KDSR: variants seen among roughly 807,000 people sequenced by gnomAD.
KDSR encodes 3-dehydrosphinganine reductase.
Under a neutral mutation model 41.3 loss-of-function variants are expected in KDSR, and 23 were observed. The ratio of observed to expected loss-of-function variants is 0.56; its 90% CI spans 0.40 to 0.79. The LOEUF (loss-of-function observed/expected upper bound fraction) is 0.79, where lower values mean the gene tolerates loss of function less well. KDSR is among the 30% of genes least tolerant of loss of function. The pLI, the probability that KDSR is intolerant of heterozygous loss-of-function variation, is 0.00. For missense variants in KDSR, 351 were observed against 416.8 expected, an observed-to-expected ratio of 0.84 and a Z score of 1.37; for synonymous variants, 138 against 151.7, an observed-to-expected ratio of 0.91 and a Z score of 0.66.
chr18:63,336,263 C>T (rs1914153825), intron 8 of KDSR, among the ~76,000 whole-genome samples: 1 of 152,178 alleles, frequency 6.6e-6, no homozygotes, highest in African/African-American at 2.4e-5. Flanking sequence ...CCCCTGAGCT[C>T]AAGCAATCCA....
Position 63,344,470 on chromosome 18 carries a change from G to T in KDSR, c.633C>A (p.Ile211=), listed in dbSNP as rs1166955933. 1 of 1,613,900 alleles carries T rather than the reference G, an allele frequency of 6.2e-7. No individual in the cohort carries two copies. The highest frequency in any genetic ancestry group is 1.1e-5 in the South Asian group (1 of 91,060). ...CTGTGTCTGGTGGGTAAGCAACTGT[G>T]ATGTAGACATTATATGGCTTCACCT... ...QMEVKPYNVY[I]TVAYPPDTDT... Residue 211 remains isoleucine (I), a synonymous_variant, in exon 7 of 10, where the codon ATC becomes ATA. Coordinates refer to ENST00000645214, the MANE Select transcript of KDSR (RefSeq NM_002035.4).
chr18:63,341,709 C>T (rs1914344878), intron 7 of KDSR, among the ~76,000 whole-genome samples: 1 of 151,954 alleles, frequency 6.6e-6, no homozygotes, highest in South Asian at 2.1e-4. Flanking sequence ...TAAAAAGGGA[C>T]ACAAGGTTTC....
At chr18:63,358,313 A>G (rs1914863186) in intron 3 of KDSR, among the ~76,000 whole-genome samples, 1 of 152,182 alleles carries the variant, frequency 6.6e-6, no homozygotes, top group Admixed American at 6.5e-5. Context: ...GCTGGGAGGA[A>G]ATGGCAAGTG....
At chr18:63,365,787 A>T (rs960522783) in intron 1 of KDSR, among the ~76,000 whole-genome samples, 3 of 152,210 alleles carry the variant, frequency 2.0e-5, no homozygotes, top group African/African-American at 7.2e-5. Flanking sequence ...CAGAATTTAG[A>T]GTGTCAAGTT....
intron 2 of KDSR, among the ~76,000 whole-genome samples, chr18:63,360,957 C>T (rs1484984135): frequency 1.6e-5 from 2 of 123,730 alleles, no homozygotes; most frequent in Non-Finnish European, 3.3e-5. Context: ...GAGTTTGAGA[C>T]CAGCCTGGCC....
intron 1 of KDSR, chr18:63,366,517 G>C (rs1915141138): frequency 6.5e-6 from 1 of 154,832 alleles, no homozygotes; most frequent in African/African-American, 2.4e-5. Context: ...CCATCTTCCA[G>C]TTCCGAGCTG....
Position 63,330,190 on chromosome 18 carries a change from T to C in KDSR, c.*1592A>G, listed in dbSNP as rs1356438338. On this transcript the variant is annotated 3_prime_UTR_variant, in exon 10 of 10. Transcript: ENST00000645214. ...TCAAGAGCAAAAAAAAGGTATGCTA[T>C]AATTTTTAGGTCTTCAATTTTTGTA... The C allele has an allele frequency of 5.0e-6, 1 of 198,986 alleles. No individual in the cohort carries two copies. The highest frequency in any genetic ancestry group is 1.0e-5 in the Non-Finnish European group (1 of 96,316). The allele number at this position is 198,986 out of a possible 1,614,324, so 12.3% of individuals were successfully genotyped here.
Position 63,330,435 on chromosome 18 carries a change from C to T in KDSR, c.*1347G>A, listed in dbSNP as rs1913945946. ...TGTTGGCTAAAACTCATCAGAGGCACTTGCTGTCAAAATCCACTAATGAAC... is the reference window on the plus strand; with the variant it reads ...TGTTGGCTAAAACTCATCAGAGGCATTTGCTGTCAAAATCCACTAATGAAC... On this transcript the variant is annotated 3_prime_UTR_variant, in exon 10 of 10. Coordinates refer to ENST00000645214, the MANE Select transcript of KDSR (RefSeq NM_002035.4). The T allele has an allele frequency of 8.7e-6, 2 of 229,958 alleles. No individual in the cohort carries two copies. Among genetic ancestry groups the T allele is most frequent in the African/African-American group, 2.2e-5 (1 of 45,166 alleles). The allele number at this position is 229,958 out of a possible 1,614,324, so 14.2% of individuals were successfully genotyped here.
intron 5 of KDSR, among the ~76,000 whole-genome samples, chr18:63,354,344 C>T (rs1314561868): frequency 6.6e-6 from 1 of 152,036 alleles, no homozygotes; most frequent in Non-Finnish European, 1.5e-5. Flanking sequence ...ATTGTTGATG[C>T]GATGGCAACT....
chr18:63,359,122 T>G (rs1914888833), intron 3 of KDSR, among the ~76,000 whole-genome samples: 1 of 129,594 alleles, frequency 7.7e-6, no homozygotes, highest in Non-Finnish European at 1.5e-5. Context: ...GAGGCTGCAG[T>G]GAGCTGAGAT....
At chr18:63,356,082 G>C (rs1568282039) in intron 3 of KDSR, among the ~76,000 whole-genome samples, 2 of 152,196 alleles carry the variant, frequency 1.3e-5, no homozygotes, top group African/African-American at 2.4e-5. Context: ...AACATCCTCA[G>C]ATAGAAAACA....
At position 63,367,079 on chromosome 18, in the gene KDSR, G is replaced by A; in HGVS notation, c.40C>T (p.Leu14=). The A allele has an allele frequency of 1.5e-6, 2 of 1,336,170 alleles. No homozygotes were observed. Among genetic ancestry groups the A allele is most frequent in the Admixed American group, 5.9e-5 (2 of 33,820 alleles). The allele number at this position is 1,336,170 out of a possible 1,614,324, so 82.8% of individuals were successfully genotyped here. Residue 14 remains leucine, a synonymous_variant, in exon 1 of 10, where the codon CTG becomes TTG. Transcript: ENST00000645214. ...AGCGGAGACACCATGTACAGCAGCA[G>A]CACGAAGGCCACGAGGAAGGCGGCA... The part of the protein sequence containing the change: ...LAAAFLVAFV[L]LLYMVSPLIS...
intron 9 of KDSR, among the ~76,000 whole-genome samples, chr18:63,333,859 G>A (rs994631862): frequency 7.2e-5 from 11 of 152,296 alleles, no homozygotes; most frequent in African/African-American, 2.4e-4. Context: ...AGCACTGCCA[G>A]AATTGCAGAG....
At chr18:63,340,345 G>A (rs1914310282) in intron 7 of KDSR, among the ~76,000 whole-genome samples, 1 of 152,154 alleles carries the variant, frequency 6.6e-6, no homozygotes, top group African/African-American at 2.4e-5. Flanking sequence ...AAAAGGCAGA[G>A]CCAAAGAGAA....
chr18:63,331,860 G>A lies in KDSR; in HGVS notation c.921C>T (p.Tyr307=). Residue 307 remains tyrosine (Y), a synonymous_variant, in exon 10 of 10, where the codon TAC becomes TAT. Coordinates refer to ENST00000645214, the MANE Select transcript of KDSR (RefSeq NM_002035.4). ...GAACTATGCTGTCAAAACTTCCAAGGTAAAACAAAGCAATAGTGCGGAAAA... is the reference window on the plus strand; with the variant it reads ...GAACTATGCTGTCAAAACTTCCAAGATAAAACAAAGCAATAGTGCGGAAAA... ...MGLFRTIALF[Y]LGSFDSIVRR... 1 of 1,613,914 alleles carries A rather than the reference G, an allele frequency of 6.2e-7. No homozygotes were observed. The highest frequency in any genetic ancestry group is 1.1e-5 in the South Asian group (1 of 90,998).
At chr18:63,334,882 G>A (rs926487324) in intron 9 of KDSR, among the ~76,000 whole-genome samples, 4 of 152,186 alleles carry the variant, frequency 2.6e-5, no homozygotes, top group African/African-American at 9.7e-5. Flanking sequence ...AGGTTTTCTA[G>A]TCTAATATCC....
In KDSR at chr18:63,330,611, T is replaced by A. The variant is rs545975202; in HGVS notation, c.*1171A>T. The A allele has an allele frequency of 4.3e-6, 1 of 231,972 alleles. No homozygotes were observed. Among genetic ancestry groups the A allele is most frequent in the South Asian group, 1.8e-4 (1 of 5,522 alleles). 14.4% of individuals were successfully genotyped at this position (231,972 alleles called of 1,614,324 possible). ...ACATAAAGAACAGGTGATCATTTTA[T>A]TTCAAAAGCAACTCTCTTCAAAATC... On this transcript the variant is annotated 3_prime_UTR_variant, in exon 10 of 10. Transcript: ENST00000645214.
At chr18:63,348,556 T>C (rs962566119) in intron 6 of KDSR, among the ~76,000 whole-genome samples, 1 of 152,008 alleles carries the variant, frequency 6.6e-6, no homozygotes, top group Non-Finnish European at 1.5e-5. Flanking sequence ...TTTTATTTTC[T>C]TTTTTTTAAG....
At chr18:63,353,073 C>T (rs908139503) in intron 5 of KDSR, among the ~76,000 whole-genome samples, 7 of 150,758 alleles carry the variant, frequency 4.6e-5, no homozygotes, top group African/African-American at 1.2e-4. Flanking sequence ...CCCAGCTACT[C>T]GGGAGGCTGA....
Sources: allele counts gnomAD v4.1 joint callset (sites outside exome capture counted in the v4.1 genomes callset), GRCh38; gene constraint gnomAD v4.1.1; transcripts MANE v1.5; gene names NCBI Gene and HGNC (gene_info 2026-07-23, HGNC 2026-07-21).